FAM83D: variants seen among roughly 807,000 people sequenced by gnomAD.
The protein encoded by FAM83D is scaffolding CK1 anchoring protein D, also known as protein FAM83D.
Under a neutral mutation model 25.4 loss-of-function variants are expected in FAM83D, and 26 were observed. The observed-to-expected ratio is 1.02, with a 90% CI of 0.75 to 1.42. The LOEUF (loss-of-function observed/expected upper bound fraction) is 1.42, where lower values mean the gene tolerates loss of function less well. FAM83D is among the 40% of genes most tolerant of loss of function. FAM83D has a pLI of 0.00. For synonymous variants in FAM83D, 310 were observed against 318.5 expected (o/e 0.97, Z 0.28); for missense variants, 740 against 758.1 (o/e 0.98, Z 0.28).
chr20:38,952,760 T>C lies in FAM83D; in HGVS notation c.*240T>C. Reference sequence around the variant, plus strand: ...TACAGGGGTTTGTTTTGCACAATTTTAATAGTCATGCACTACATAATGATG... The same window carrying C: ...TACAGGGGTTTGTTTTGCACAATTTCAATAGTCATGCACTACATAATGATG... On this transcript the variant is annotated 3_prime_UTR_variant, in exon 4 of 4. Transcript: ENST00000619850. The C allele has an allele frequency of 5.5e-6, 3 of 543,044 alleles. No homozygotes were observed. The South Asian group carries it at 7.0e-5, about 13-fold the overall frequency. The allele number at this position is 543,044 out of a possible 1,614,324, so 33.6% of individuals were successfully genotyped here.
chr20:38,939,729 T>A (rs1050135564), intron 1 of FAM83D, among the ~76,000 whole-genome samples: 3 of 152,096 alleles, frequency 2.0e-5, no homozygotes, highest in African/African-American at 7.2e-5. Flanking sequence ...GTAAGTTGGG[T>A]CTATGTCAAA....
chr20:38,928,356 C>A (rs1443884922), intron 1 of FAM83D, among the ~76,000 whole-genome samples: 1 of 152,202 alleles, frequency 6.6e-6, no homozygotes, highest in Non-Finnish European at 1.5e-5. Flanking sequence ...GTAGTGGATA[C>A]AGTGACCTAG....
intron 1 of FAM83D, among the ~76,000 whole-genome samples, chr20:38,937,409 G>C (rs1313401607): frequency 6.6e-6 from 1 of 152,194 alleles, no homozygotes; most frequent in Non-Finnish European, 1.5e-5. Context: ...GGACCCACAG[G>C]CTGCAGCAAG....
At chr20:38,929,785 C>A (rs2085651482) in intron 1 of FAM83D, among the ~76,000 whole-genome samples, 1 of 143,978 alleles carries the variant, frequency 6.9e-6, no homozygotes, top group East Asian at 2.0e-4. Context: ...GAGACCCTGT[C>A]TCTTTAAAAA....
chr20:38,937,641 C>T (rs1042324113), intron 1 of FAM83D, among the ~76,000 whole-genome samples: 1 of 152,204 alleles, frequency 6.6e-6, no homozygotes, highest in Non-Finnish European at 1.5e-5. Context: ...ATTGCTTCTA[C>T]AGTAGGACTA....
chr20:38,935,208 A>G (rs987393213), intron 1 of FAM83D, among the ~76,000 whole-genome samples: 1 of 152,224 alleles, frequency 6.6e-6, no homozygotes, highest in East Asian at 1.9e-4. Context: ...AATGTTTTAC[A>G]TACTTATAAA....
At chr20:38,945,444 C>G (rs1247650844) in intron 2 of FAM83D, among the ~76,000 whole-genome samples, 1 of 150,618 alleles carries the variant, frequency 6.6e-6, no homozygotes, top group Non-Finnish European at 1.5e-5. Flanking sequence ...AAAGAAGTTA[C>G]AAAAATAATA....
At chr20:38,941,841 G>A in intron 1 of FAM83D, 118 bp from the exon 2 acceptor site, 1 of 985,168 alleles carries the variant, frequency 1.0e-6, no homozygotes. Flanking sequence ...GGGGAGGGAA[G>A]GATAACTGTT....
At chr20:38,927,320 G>C (rs957304344) in intron 1 of FAM83D, among the ~76,000 whole-genome samples, 1 of 152,098 alleles carries the variant, frequency 6.6e-6, no homozygotes, top group Non-Finnish European at 1.5e-5. Context: ...AGCTTCTTAG[G>C]AGACTCATTA....
chr20:38,947,325 C>T (rs1226718220), intron 2 of FAM83D, among the ~76,000 whole-genome samples: 1 of 152,186 alleles, frequency 6.6e-6, no homozygotes, highest in Non-Finnish European at 1.5e-5. Context: ...AGTGTTTCTG[C>T]CTCAGCAGGC....
chr20:38,952,176 T>C lies in FAM83D; in HGVS notation c.1414T>C (p.Ser472Pro). ...AGTCTCAAAAATGTCTGTATCGAGATCTTCCAGTTTGAAGTCTTCCTCCTC... is the reference window on the plus strand; with the variant it reads ...AGTCTCAAAAATGTCTGTATCGAGACCTTCCAGTTTGAAGTCTTCCTCCTC... Reference protein sequence around the residue: ...SPVSKMSVSRSSSLKSSSSVS... With the variant: ...SPVSKMSVSRPSSLKSSSSVS... The change falls in exon 4 of 4, where the codon TCT becomes CCT. Residue 472 changes from serine (S) to proline (P), a missense_variant. Physicochemically the swap from Ser to Pro is moderately conservative, Grantham distance 74 (BLOSUM62 -1). Coordinates refer to ENST00000619850, the MANE Select transcript of FAM83D (RefSeq NM_030919.3). 6.2e-7 allele frequency: 1 copy of C among 1,614,208 alleles called. No individual in the cohort carries two copies. Among genetic ancestry groups the C allele is most frequent in the African/African-American group, 1.3e-5 (1 of 75,052 alleles).
At chr20:38,938,716 C>T (rs186508932) in intron 1 of FAM83D, among the ~76,000 whole-genome samples, 453 of 152,294 alleles carry the variant, frequency 3.0e-3, no homozygotes, top group Non-Finnish European at 5.3e-3. Flanking sequence ...CAGCCCATGT[C>T]GCCCACTGCT....
chr20:38,947,807 T>G, intron 2 of FAM83D, 69 bp from the exon 3 acceptor site: 1 of 1,571,718 alleles, frequency 6.4e-7, no homozygotes, highest in East Asian at 2.3e-5. Context: ...CTTTTTGTCC[T>G]AACCATTTGC....
chr20:38,936,398 G>C (rs1030599504), intron 1 of FAM83D, among the ~76,000 whole-genome samples: 3 of 152,058 alleles, frequency 2.0e-5, no homozygotes, highest in African/African-American at 7.2e-5. Flanking sequence ...TCCAGGGATA[G>C]TGACGGAATC....
intron 1 of FAM83D, among the ~76,000 whole-genome samples, chr20:38,935,605 A>G (rs1401420407): frequency 2.6e-5 from 4 of 152,140 alleles, no homozygotes; most frequent in Non-Finnish European, 5.9e-5. Context: ...CACCACGCCC[A>G]GATAATTAAA....
chr20:38,952,691 C>T lies in FAM83D; in HGVS notation c.*171C>T, dbSNP rs2085762063. 4.0e-6 allele frequency: 3 copies of T among 751,970 alleles called. No individual in the cohort carries two copies. Among genetic ancestry groups the T allele is most frequent in the South Asian group, 1.8e-5 (1 of 54,136 alleles). The allele number at this position is 751,970 out of a possible 1,614,324, so 46.6% of individuals were successfully genotyped here. On this transcript the variant is annotated 3_prime_UTR_variant, in exon 4 of 4. Coordinates refer to ENST00000619850, the MANE Select transcript of FAM83D (RefSeq NM_030919.3). ...TATTATTTTACATGCTTTGTTTTGT[C>T]ATGTATATACCAGGTATTGGTTTTA...
chr20:38,947,390 T>C (rs2085732781), intron 2 of FAM83D, among the ~76,000 whole-genome samples: 1 of 152,202 alleles, frequency 6.6e-6, no homozygotes, highest in South Asian at 2.1e-4. Flanking sequence ...ATTATGGTGT[T>C]GAGGGTGAGT....
chr20:38,940,326 C>T (rs2085696324), intron 1 of FAM83D, among the ~76,000 whole-genome samples: 1 of 152,110 alleles, frequency 6.6e-6, no homozygotes, highest in African/African-American at 2.4e-5. Flanking sequence ...CCTAGTAGAC[C>T]AGGCCCTGGA....
At chr20:38,945,971 G>T (rs1237546313) in intron 2 of FAM83D, among the ~76,000 whole-genome samples, 1 of 151,938 alleles carries the variant, frequency 6.6e-6, no homozygotes, top group African/African-American at 2.4e-5. Context: ...ACTTTGGGAG[G>T]TTGAGGTGGG....
Sources: allele counts gnomAD v4.1 joint callset (sites outside exome capture counted in the v4.1 genomes callset), GRCh38; gene constraint gnomAD v4.1.1; transcripts MANE v1.5; gene names NCBI Gene and HGNC (gene_info 2026-07-23, HGNC 2026-07-21).